SORCS3: variants seen among roughly 807,000 people sequenced by gnomAD.
SORCS3 encodes the protein sortilin related VPS10 domain containing receptor 3.
In SORCS3, 57 loss-of-function variants were observed where a neutral mutation model predicts 146.3. The observed-to-expected ratio is 0.39, with a 90% confidence interval of 0.31 to 0.49. The LOEUF is 0.49. Ranked by LOEUF, SORCS3 falls within the 20% of genes least tolerant of loss-of-function variation. SORCS3 has a pLI of 0.92. For missense variants in SORCS3, 1,341 were observed against 1,575.5 expected, an observed-to-expected ratio of 0.85 and a Z score of 2.52; for synonymous variants, 653 against 618.5, an observed-to-expected ratio of 1.06 and a Z score of -0.83.
intron 6 of SORCS3, 105 bp from the exon 7 acceptor site, chr10:105,105,292 A>G (rs2055813005): frequency 1.5e-6 from 1 of 656,152 alleles, no homozygotes; most frequent in African/African-American, 1.8e-5. Context: ...CTGTTATTTT[A>G]AATTACCTTG....
At chr10:104,709,965 G>A (rs1030758552) in intron 1 of SORCS3, among the ~76,000 whole-genome samples, 13 of 151,360 alleles carry the variant, frequency 8.6e-5, no homozygotes, top group African/African-American at 2.4e-4. Flanking sequence ...CTAGAAACTA[G>A]TTTTCCCAGT....
chr10:105,051,364 A>G (rs901463112), intron 5 of SORCS3, among the ~76,000 whole-genome samples: 1 of 152,062 alleles, frequency 6.6e-6, no homozygotes, highest in Non-Finnish European at 1.5e-5. Context: ...CCTTGAGATA[A>G]TGTGGTTGGA....
At chr10:104,724,665 T>C (rs1041270827) in intron 1 of SORCS3, among the ~76,000 whole-genome samples, 1 of 152,184 alleles carries the variant, frequency 6.6e-6, no homozygotes, top group African/African-American at 2.4e-5. Flanking sequence ...CTTGGAGGCT[T>C]TGTTCATTTC....
chr10:104,652,068 T>C (rs1481897285), intron 1 of SORCS3, among the ~76,000 whole-genome samples: 2,041 of 150,796 alleles, frequency 0.014, 19 homozygotes, highest in South Asian at 0.025. Flanking sequence ...AATGTGTGTG[T>C]GTGTGTGTGT....
chr10:105,110,230 C>T (rs1014995542), intron 7 of SORCS3, among the ~76,000 whole-genome samples: 8 of 151,200 alleles, frequency 5.3e-5, no homozygotes, highest in African/African-American at 9.8e-5. Context: ...CTCTTTCTCT[C>T]GTATCAACAT....
At chr10:105,086,632 T>C (rs703471) in intron 5 of SORCS3, among the ~76,000 whole-genome samples, 4 of 151,988 alleles carry the variant, frequency 2.6e-5, no homozygotes, top group South Asian at 2.1e-4. Context: ...CTTTTTAGTA[T>C]AGCATAGTAT....
intron 3 of SORCS3, among the ~76,000 whole-genome samples, chr10:104,925,497 TG>T: frequency 6.6e-6 from 1 of 152,244 alleles, no homozygotes; most frequent in Non-Finnish European, 1.5e-5. Flanking sequence ...CCCTTTTCAA[TG>T]GGCATTGCCC....
intron 11 of SORCS3, among the ~76,000 whole-genome samples, chr10:105,163,112 C>T (rs1027717138): frequency 6.6e-6 from 1 of 152,102 alleles, no homozygotes; most frequent in African/African-American, 2.4e-5. Flanking sequence ...CTGCCTGAAC[C>T]CTGAGCCCTG....
intron 1 of SORCS3, among the ~76,000 whole-genome samples, chr10:104,733,662 T>A (rs1315687840): frequency 1.3e-5 from 2 of 151,946 alleles, no homozygotes; most frequent in East Asian, 3.9e-4. Context: ...ATCCCTATAG[T>A]TTATGTGTTT....
At chr10:105,230,807 G>A (rs967539193) in intron 20 of SORCS3, among the ~76,000 whole-genome samples, 1 of 152,202 alleles carries the variant, frequency 6.6e-6, no homozygotes, top group Non-Finnish European at 1.5e-5. Context: ...GCAAGGCAAA[G>A]TCTGTTGGGA....
intron 2 of SORCS3, among the ~76,000 whole-genome samples, chr10:104,886,086 T>C (rs2018681367): frequency 6.6e-6 from 1 of 152,186 alleles, no homozygotes; most frequent in African/African-American, 2.4e-5. Flanking sequence ...AGATAGCAGC[T>C]GCAGGAGGAT....
At chr10:104,849,725 A>G (rs1378567497) in intron 2 of SORCS3, among the ~76,000 whole-genome samples, 1 of 152,238 alleles carries the variant, frequency 6.6e-6, no homozygotes, top group African/African-American at 2.4e-5. Context: ...CAATGTAATC[A>G]GTATTTAATA....
At chr10:104,927,738 C>T (rs981459113) in intron 3 of SORCS3, among the ~76,000 whole-genome samples, 3 of 151,840 alleles carry the variant, frequency 2.0e-5, no homozygotes, top group Non-Finnish European at 4.4e-5. Context: ...ATTAGCCAGG[C>T]GTGGTGGCGG....
intron 2 of SORCS3, among the ~76,000 whole-genome samples, chr10:104,873,058 G>A (rs2018535184): frequency 6.6e-6 from 1 of 152,194 alleles, no homozygotes; most frequent in South Asian, 2.1e-4. Context: ...AAAGAGCAAG[G>A]AAAGATCCAG....
chr10:104,776,186 G>A (rs958477180), intron 1 of SORCS3, among the ~76,000 whole-genome samples: 2 of 152,190 alleles, frequency 1.3e-5, no homozygotes, highest in African/African-American at 2.4e-5. Flanking sequence ...TGAGGAACAT[G>A]TGGTTGTATG....
At chr10:105,043,666 A>C (rs2055351955) in intron 5 of SORCS3, among the ~76,000 whole-genome samples, 1 of 152,178 alleles carries the variant, frequency 6.6e-6, no homozygotes, top group African/African-American at 2.4e-5. Context: ...ACTCTGGAGA[A>C]GTGCTGAATG....
chr10:104,689,097 C>G (rs573757665), intron 1 of SORCS3, among the ~76,000 whole-genome samples: 47 of 152,356 alleles, frequency 3.1e-4, no homozygotes, highest in Admixed American at 6.5e-4. Flanking sequence ...CCCTGCATGA[C>G]TTGCCCTCTT....
At chr10:105,183,778 G>T (rs895715266) in intron 14 of SORCS3, among the ~76,000 whole-genome samples, 7 of 152,290 alleles carry the variant, frequency 4.6e-5, no homozygotes, top group Admixed American at 1.3e-4. Flanking sequence ...TGCCTGCAGA[G>T]GGGGTATTGG....
At chr10:105,130,607 T>C (rs1026471940) in intron 7 of SORCS3, among the ~76,000 whole-genome samples, 2 of 152,162 alleles carry the variant, frequency 1.3e-5, no homozygotes, top group Non-Finnish European at 1.5e-5. Flanking sequence ...CAGAGCAATA[T>C]TGGCTTCAGT....
Sources: allele counts gnomAD v4.1 joint callset (sites outside exome capture counted in the v4.1 genomes callset), GRCh38; gene constraint gnomAD v4.1.1; transcripts MANE v1.5; gene names NCBI Gene and HGNC (gene_info 2026-07-23, HGNC 2026-07-21).